The following GRB2 variants were observed in gnomAD, a reference collection of about 807,000 sequenced individuals.
The protein encoded by GRB2 is growth factor receptor-bound protein 2.
In GRB2, 2 loss-of-function variants were observed where a neutral mutation model predicts 27.4. That is an observed-to-expected ratio of 0.07 (90% CI 0.03 to 0.23). The LOEUF is 0.23. Among genes scored for constraint, GRB2 ranks in the 10% least tolerant of loss-of-function variants. GRB2 has a pLI of 1.00. For missense variants in GRB2, 102 were observed against 282.4 expected, an observed-to-expected ratio of 0.36 and a Z score of 4.58; for synonymous variants, 94 against 99.6, an observed-to-expected ratio of 0.94 and a Z score of 0.33.
At chr17:75,338,881 C>A in intron 2 of GRB2, 1 of 815,910 alleles carries the variant, frequency 1.2e-6, no homozygotes, top group Non-Finnish European at 2.2e-6. Flanking sequence ...TGGCAAGCAT[C>A]AACCCCACAA....
chr17:75,354,286 T>C (rs1377039559), intron 2 of GRB2, among the ~76,000 whole-genome samples: 1 of 128,046 alleles, frequency 7.8e-6, no homozygotes, highest in African/African-American at 3.3e-5. Flanking sequence ...GGAGATGGAG[T>C]TTCACTCTTG....
At chr17:75,362,466 C>T (rs1321774685) in intron 2 of GRB2, among the ~76,000 whole-genome samples, 2 of 152,332 alleles carry the variant, frequency 1.3e-5, no homozygotes, top group Admixed American at 6.5e-5. Flanking sequence ...ACTCAGAACA[C>T]ACGTAAGTCA....
At chr17:75,376,463 G>A (rs1189303560) in intron 2 of GRB2, among the ~76,000 whole-genome samples, 1 of 150,742 alleles carries the variant, frequency 6.6e-6, no homozygotes, top group Non-Finnish European at 1.5e-5. Flanking sequence ...GGAGGCTGCA[G>A]TGAGCTGAGA....
intron 2 of GRB2, among the ~76,000 whole-genome samples, chr17:75,381,073 A>G (rs2078924670): frequency 6.6e-6 from 1 of 152,206 alleles, no homozygotes; most frequent in Non-Finnish European, 1.5e-5. Context: ...ATTACGAACT[A>G]AATTATTAAC....
intron 2 of GRB2, among the ~76,000 whole-genome samples, chr17:75,375,820 T>A (rs2078888922): frequency 6.8e-6 from 1 of 148,100 alleles, no homozygotes; most frequent in African/African-American, 2.5e-5. Flanking sequence ...GGTCAGGAGA[T>A]CGAGACCATC....
chr17:75,332,309 A>C (rs144460153), intron 3 of GRB2, among the ~76,000 whole-genome samples: 98 of 152,316 alleles, frequency 6.4e-4, no homozygotes, highest in South Asian at 2.3e-3. Context: ...TACTCTGGGG[A>C]TACAAAGATA....
At chr17:75,343,756 G>A (rs1285978536) in intron 2 of GRB2, among the ~76,000 whole-genome samples, 1 of 152,144 alleles carries the variant, frequency 6.6e-6, no homozygotes, top group Non-Finnish European at 1.5e-5. Context: ...TGCGTTTTGT[G>A]ACATGTGGAA....
At chr17:75,366,141 C>T (rs1390911004) in intron 2 of GRB2, among the ~76,000 whole-genome samples, 1 of 151,598 alleles carries the variant, frequency 6.6e-6, no homozygotes, top group Non-Finnish European at 1.5e-5. Context: ...ACCTTGCAGC[C>T]GTTACAAATT....
intron 2 of GRB2, among the ~76,000 whole-genome samples, chr17:75,375,879 G>A (rs2078889361): frequency 6.6e-6 from 1 of 151,806 alleles, no homozygotes; most frequent in Admixed American, 6.6e-5. Context: ...CAAAAATTTA[G>A]CCGGGCGTGG....
intron 2 of GRB2, chr17:75,338,998 A>G: frequency 1.8e-5 from 22 of 1,243,734 alleles, no homozygotes; most frequent in Non-Finnish European, 2.6e-5. Context: ...GATTTTCCGG[A>G]AAAAGGCTGA....
chr17:75,354,935 G>T (rs2078721580), intron 2 of GRB2, among the ~76,000 whole-genome samples: 1 of 152,162 alleles, frequency 6.6e-6, no homozygotes, highest in African/African-American at 2.4e-5. Flanking sequence ...AGTCTCCCAA[G>T]TAGTTGGGAT....
At chr17:75,336,944 G>T (rs1372560651) in intron 2 of GRB2, among the ~76,000 whole-genome samples, 1 of 152,166 alleles carries the variant, frequency 6.6e-6, no homozygotes, top group African/African-American at 2.4e-5. Context: ...CACCATGTTG[G>T]CTAGGCTGGT....
In GRB2 at chr17:75,340,595, A is replaced by C. The variant is rs1334063444; in HGVS notation, c.79-7798T>G. Among the ~76,000 whole-genome samples, 5 of 152,226 alleles carry C rather than the reference A, an allele frequency of 3.3e-5. No individual in the cohort carries two copies. In the East Asian group the frequency reaches 9.6e-4, roughly 29 times the overall value. ...AAGGGCCCTGGCTAGGGTAACAGTA[A>C]TGGGAGAGCCACTCAAAGTCAGTTC... On this transcript the variant is annotated intron_variant, in intron 2 of 5. Transcript: ENST00000316804.
At chr17:75,334,161 TTTTAGA>T (rs1185530096) in intron 2 of GRB2, among the ~76,000 whole-genome samples, 1 of 152,114 alleles carries the variant, frequency 6.6e-6, no homozygotes, top group Non-Finnish European at 1.5e-5. Context: ...TTTTATTTTT[TTTTAGA>T]TTTATTTATT....
chr17:75,403,481 C>T (rs1385800033), intron 1 of GRB2, among the ~76,000 whole-genome samples: 1 of 151,976 alleles, frequency 6.6e-6, no homozygotes, highest in African/African-American at 2.4e-5. Context: ...AACATTTAAA[C>T]GTTTGAGTTC....
intron 2 of GRB2, among the ~76,000 whole-genome samples, chr17:75,375,273 T>C (rs2078884906): frequency 6.6e-6 from 1 of 152,190 alleles, no homozygotes; most frequent in Non-Finnish European, 1.5e-5. Context: ...TGATCTTTCA[T>C]GTTCTCAACT....
At chr17:75,339,164 T>C in intron 2 of GRB2, 1 of 1,108,512 alleles carries the variant, frequency 9.0e-7, no homozygotes, top group South Asian at 1.3e-5. Context: ...TCTTTTGTTT[T>C]ATTATGAAGA....
intron 2 of GRB2, among the ~76,000 whole-genome samples, chr17:75,349,825 C>A (rs1300310378): frequency 2.6e-5 from 4 of 152,078 alleles, no homozygotes; most frequent in Admixed American, 6.6e-5. Context: ...CCACACCCTG[C>A]TGACTCAGAC....
chr17:75,356,844 G>C (rs749693561), intron 2 of GRB2, among the ~76,000 whole-genome samples: 2 of 152,032 alleles, frequency 1.3e-5, no homozygotes, highest in African/African-American at 4.8e-5. Flanking sequence ...TTCTTCCTAC[G>C]TAACTGGCCA....
Sources: allele counts gnomAD v4.1 joint callset (sites outside exome capture counted in the v4.1 genomes callset), GRCh38; gene constraint gnomAD v4.1.1; transcripts MANE v1.5; gene names NCBI Gene and HGNC (gene_info 2026-07-23, HGNC 2026-07-21).